Variants in SLC26A3 observed in about 807,000 individuals in gnomAD.
SLC26A3 encodes the protein chloride anion exchanger.
A neutral mutation model predicts 85.6 loss-of-function variants in SLC26A3; 64 were observed. That is an observed-to-expected ratio of 0.75 (90% CI 0.61 to 0.92). The LOEUF (loss-of-function observed/expected upper bound fraction) is 0.92, where lower values mean the gene tolerates loss of function less well. Ranked by LOEUF, SLC26A3 falls within the 40% of genes least tolerant of loss-of-function variation. The probability of loss-of-function intolerance (pLI) is 0.00; values close to 1 mark genes in which losing one functional copy is unlikely to be tolerated. For missense variants in SLC26A3, 922 were observed against 927.3 expected (o/e 0.99, Z 0.07); for synonymous variants, 349 against 336.0 (o/e 1.04, Z -0.42).
chr7:107,797,146 T>TA (rs1794518942), intron 1 of SLC26A3, among the ~76,000 whole-genome samples: 1 of 152,264 alleles, frequency 6.6e-6, no homozygotes, highest in East Asian at 1.9e-4. Context: ...CTCCTCCTCA[T>TA]ACCCAAGCAC....
intron 13 of SLC26A3, among the ~76,000 whole-genome samples, chr7:107,777,559 C>T (rs895977856): frequency 2.0e-5 from 3 of 151,966 alleles, no homozygotes; most frequent in African/African-American, 2.4e-5. Context: ...CGTTGCACTC[C>T]GGCCTGGGCG....
chr7:107,791,233 G>A lies in SLC26A3; in HGVS notation c.385C>T (p.Pro129Ser). The A allele has an allele frequency of 1.2e-6, 2 of 1,614,172 alleles. No individual in the cohort carries two copies. The highest frequency in any genetic ancestry group is 1.7e-6 in the Non-Finnish European group (2 of 1,180,010). ...FGTSRHISVGPFPILSMMVGL... is the reference protein window; with the variant it reads ...FGTSRHISVGSFPILSMMVGL... The stretch of plus-strand genomic sequence containing the variant: ...ACCATCATACTCAGAATCGGAAACG[G>A]ACCTAATTAACAGTGGGTGAATCGT... The change falls in exon 5 of 21, where the codon CCG becomes TCG. Residue 129 changes from proline (P) to serine (S), a missense_variant and splice_region_variant. By Grantham distance (74) the Pro-to-Ser change is moderately conservative (BLOSUM62 -1). Coordinates refer to ENST00000340010, the MANE Select transcript of SLC26A3 (RefSeq NM_000111.3).
Position 107,787,710 on chromosome 7 carries a change from A to G in SLC26A3, c.736-201T>C, listed in dbSNP as rs142619022. 1.5e-3 allele frequency among the ~76,000 whole-genome samples: 227 copies of G among 152,358 alleles called. 2 individuals are homozygous for G. The highest frequency in any genetic ancestry group is 0.014 in the East Asian group (74 of 5,186). ...GGAGATATGAGAAGAGTAAGTTAGC[A>G]TAGTGTAGGTGGCACACTAGTTTAA... On this transcript the variant is annotated intron_variant, in intron 6 of 20. Transcript: ENST00000340010.
At position 107,778,157 on chromosome 7, in the gene SLC26A3, A is replaced by C. The variant is rs779802136; in HGVS notation, c.1514+18T>G. The C allele has an allele frequency of 3.2e-6, 5 of 1,554,324 alleles. No homozygotes were observed. In the African/African-American group the frequency reaches 6.8e-5, roughly 21 times the overall value. ...CAGGTCCAAGCCTGCCAGGATGCAG[A>C]GCACTTTGAGCACTCACAATTGGGT... On this transcript the variant is annotated intron_variant, in intron 13 of 20. Coordinates refer to ENST00000340010, the MANE Select transcript of SLC26A3 (RefSeq NM_000111.3).
Position 107,776,502 on chromosome 7 carries a change from G to A in SLC26A3, c.1627C>T (p.Pro543Ser), listed in dbSNP as rs2115821547. The A allele has an allele frequency of 6.2e-7, 1 of 1,614,122 alleles. No homozygotes were observed. The highest frequency in any genetic ancestry group is 2.2e-5 in the East Asian group (1 of 44,870). Residue 543 changes from proline (P) to serine (S), a missense_variant, in exon 15 of 21, where the codon CCT becomes TCT. By Grantham distance (74) the Pro-to-Ser change is moderately conservative. Transcript: ENST00000340010. Reference sequence around the variant, plus strand: ...AAACCAATGTTTGCAAAGTAGATAGGAGATGGACATCTGAAAATTTTCACT... The same window carrying A: ...AAACCAATGTTTGCAAAGTAGATAGAAGATGGACATCTGAAAATTTTCACT... The part of the protein sequence containing the change: ...EGVKIFRCPS[P>S]IYFANIGFFR...
At chr7:107,794,717 G>T (rs370811897) in intron 1 of SLC26A3, 120 bp from the exon 2 acceptor site, 1 of 573,828 alleles carries the variant, frequency 1.7e-6, no homozygotes, top group South Asian at 2.0e-5. Flanking sequence ...CAGGATTAAG[G>T]GACCTAGATT....
intron 1 of SLC26A3, among the ~76,000 whole-genome samples, chr7:107,797,853 C>G (rs79139176): frequency 0.2 from 29,404 of 150,784 alleles, 3,314 homozygotes; most frequent in Admixed American, 0.26. Context: ...TCTTTTTTCA[C>G]CTGAACAAGT....
intron 8 of SLC26A3, 70 bp downstream of exon 8, chr7:107,786,757 T>C (rs553253112): frequency 1.5e-6 from 2 of 1,295,348 alleles, no homozygotes; most frequent in African/African-American, 1.5e-5. Flanking sequence ...GTTCGGATTG[T>C]ACCTCTCCTG....
At chr7:107,785,880 G>A (rs1794286709) in intron 8 of SLC26A3, among the ~76,000 whole-genome samples, 1 of 152,246 alleles carries the variant, frequency 6.6e-6, no homozygotes, top group East Asian at 1.9e-4. Context: ...TAGAGAGGGA[G>A]AGAAGTCTTT....
Position 107,794,388 on chromosome 7 carries a change from A to G in SLC26A3, c.122T>C (p.Val41Ala). 6.2e-7 allele frequency: 1 copy of G among 1,613,950 alleles called. No homozygotes were observed. The highest frequency in any genetic ancestry group is 1.7e-5 in the Admixed American group (1 of 60,012). Residue 41 changes from valine to alanine, a missense_variant, in exon 2 of 21, where the codon GTG becomes GCG. Transcript: ENST00000340010. The stretch of plus-strand genomic sequence containing the variant: ...TTAAAAAATATCTTACCTACAACAC[A>G]CTTTGAGATGATCCAGAAATGTCTT... ...HHKTFLDHLK[V>A]CCSCSPQKAK...
In SLC26A3 at chr7:107,783,371, A is replaced by C. The variant is rs763503625; in HGVS notation, c.972-19T>G. ...CTGAAATCTAAAATTGAAATTAAGC[A>C]AGTCTGAATGTCACCAACCAATTTA... On this transcript the variant is annotated intron_variant, in intron 8 of 20. Coordinates refer to ENST00000340010, the MANE Select transcript of SLC26A3 (RefSeq NM_000111.3). 53 of 1,613,922 alleles carry C rather than the reference A, an allele frequency of 3.3e-5. No individual in the cohort carries two copies. The highest frequency in any genetic ancestry group is 4.2e-5 in the Non-Finnish European group (50 of 1,179,910).
Position 107,786,153 on chromosome 7 carries a change from C to T in SLC26A3, c.971+674G>A, listed in dbSNP as rs1351875736. On this transcript the variant is annotated intron_variant, in intron 8 of 20. Coordinates refer to ENST00000340010, the MANE Select transcript of SLC26A3 (RefSeq NM_000111.3). ...TATCTGGACTGCTCACGTGGAGTGC[C>T]TGTGTTCCTTCAGTGTCTTCTTTGA... Among the ~76,000 whole-genome samples the T allele has an allele frequency of 3.3e-5, 5 of 152,298 alleles. No homozygotes were observed. The East Asian group carries it at 9.6e-4, about 29-fold the overall frequency.
At chr7:107,785,758 T>C (rs1459516860) in intron 8 of SLC26A3, among the ~76,000 whole-genome samples, 1 of 152,086 alleles carries the variant, frequency 6.6e-6, no homozygotes, top group African/African-American at 2.4e-5. Flanking sequence ...ATGTTTTTTC[T>C]TTAAAAAAAT....
intron 1 of SLC26A3, among the ~76,000 whole-genome samples, chr7:107,797,059 G>C (rs1794516987): frequency 6.6e-6 from 1 of 152,084 alleles, no homozygotes; most frequent in African/African-American, 2.4e-5. Flanking sequence ...GATGGCTATG[G>C]CTGTCTCTTT....
intron 16 of SLC26A3, 111 bp downstream of exon 16, chr7:107,774,666 T>C: frequency 1.2e-6 from 1 of 844,670 alleles, no homozygotes; most frequent in Non-Finnish European, 2.0e-6. Context: ...CATTGACACA[T>C]GAAATCCCTT....
At chr7:107,768,112 A>C (rs1032432246) in intron 18 of SLC26A3, among the ~76,000 whole-genome samples, 1 of 152,244 alleles carries the variant, frequency 6.6e-6, no homozygotes, top group African/African-American at 2.4e-5. Flanking sequence ...CTAATAAAAA[A>C]AATTTAATGC....
intron 11 of SLC26A3, among the ~76,000 whole-genome samples, chr7:107,780,513 A>G (rs904921641): frequency 2.6e-5 from 4 of 152,178 alleles, no homozygotes; most frequent in Non-Finnish European, 5.9e-5. Context: ...TCGTAATTGT[A>G]GGAACATGCC....
At position 107,776,469 on chromosome 7, in the gene SLC26A3, G is replaced by A. The variant is rs775780652; in HGVS notation, c.1660C>T (p.Arg554Trp). 120 of 1,613,434 alleles carry A rather than the reference G, an allele frequency of 7.4e-5. No homozygotes were observed. Among genetic ancestry groups the A allele is most frequent in the South Asian group, 4.8e-4 (44 of 91,054 alleles). Reference protein sequence around the residue: ...IYFANIGFFRRKLIDAVGFSP... With the variant: ...IYFANIGFFRWKLIDAVGFSP... ...AACCTTACAGCATCGATAAGTTTCC[G>A]CCTAAAGAAACCAATGTTTGCAAAG... Residue 554 changes from arginine to tryptophan, a missense_variant, in exon 15 of 21, where the codon CGG (arginine) becomes TGG (tryptophan). By Grantham distance (101) the Arg-to-Trp change is moderately radical. Transcript: ENST00000340010.
chr7:107,783,615 A>G (rs918633088), intron 8 of SLC26A3, among the ~76,000 whole-genome samples: 2 of 152,200 alleles, frequency 1.3e-5, no homozygotes, highest in Non-Finnish European at 1.5e-5. Flanking sequence ...GTAAAACCAC[A>G]CTATAATGTG....
Sources: allele counts gnomAD v4.1 joint callset (sites outside exome capture counted in the v4.1 genomes callset), GRCh38; gene constraint gnomAD v4.1.1; transcripts MANE v1.5; gene names NCBI Gene and HGNC (gene_info 2026-07-23, HGNC 2026-07-21).